HEMK2: variants seen among roughly 807,000 people sequenced by gnomAD.
HEMK2 encodes the protein methyltransferase HEMK2.
At chr21:28,625,440 AT>A in the HEMK2 span, among the ~76,000 whole-genome samples, 1 of 152,126 alleles carries the variant, frequency 6.6e-6, no homozygotes, top group African/African-American at 2.4e-5. Context: ...GTTCAAAGAG[AT>A]TATTTTTGGT....
the HEMK2 span, among the ~76,000 whole-genome samples, chr21:28,715,050 A>C: frequency 6.6e-6 from 1 of 152,206 alleles, no homozygotes; most frequent in South Asian, 2.1e-4. Flanking sequence ...ACTGAAGGGC[A>C]CCTAGGTTGA....
At chr21:28,633,575 C>T in the HEMK2 span, among the ~76,000 whole-genome samples, 2 of 152,000 alleles carry the variant, frequency 1.3e-5, no homozygotes, top group African/African-American at 4.8e-5. Flanking sequence ...TTTTAAATGC[C>T]AAGTATTTTT....
the HEMK2 span, among the ~76,000 whole-genome samples, chr21:28,788,981 C>T: frequency 2.6e-5 from 4 of 152,074 alleles, no homozygotes; most frequent in African/African-American, 4.8e-5. Context: ...ATTGCTGGGG[C>T]TACAGAAACA....
chr21:28,791,684 T>C, the HEMK2 span, among the ~76,000 whole-genome samples: 1 of 152,084 alleles, frequency 6.6e-6, no homozygotes, highest in Non-Finnish European at 1.5e-5. Context: ...TGCTACTGGA[T>C]TTATTTGTGC....
the HEMK2 span, among the ~76,000 whole-genome samples, chr21:28,862,076 G>C: frequency 5.3e-5 from 8 of 152,248 alleles, no homozygotes; most frequent in East Asian, 1.5e-3. Flanking sequence ...TGGGGTTACT[G>C]ACCTGGACTT....
At chr21:28,616,145 T>C in the HEMK2 span, among the ~76,000 whole-genome samples, 1 of 152,216 alleles carries the variant, frequency 6.6e-6, no homozygotes, top group Non-Finnish European at 1.5e-5. Context: ...GCAGATCAAA[T>C]TGTCTAGACA....
chr21:28,675,711 C>T, the HEMK2 span, among the ~76,000 whole-genome samples: 1 of 152,184 alleles, frequency 6.6e-6, no homozygotes, highest in Non-Finnish European at 1.5e-5. Flanking sequence ...GGGCCCAGTC[C>T]ATCTTTGGGG....
the HEMK2 span, among the ~76,000 whole-genome samples, chr21:28,796,771 T>C: frequency 6.6e-6 from 1 of 151,988 alleles, no homozygotes; most frequent in Non-Finnish European, 1.5e-5. Flanking sequence ...AGTCTCCCTA[T>C]GTTTCCCAGG....
At chr21:28,863,418 A>T in the HEMK2 span, among the ~76,000 whole-genome samples, 6 of 8,626 alleles carry the variant, frequency 7.0e-4, 1 homozygote, top group Non-Finnish European at 2.2e-3. Context: ...TTTTATATAT[A>T]TATATATATA....
the HEMK2 span, among the ~76,000 whole-genome samples, chr21:28,664,695 C>T: frequency 6.6e-6 from 1 of 152,086 alleles, no homozygotes; most frequent in Admixed American, 6.6e-5. Context: ...TCTATGTGCA[C>T]TACATTTGAA....
At chr21:28,833,886 G>A in the HEMK2 span, among the ~76,000 whole-genome samples, 1 of 152,202 alleles carries the variant, frequency 6.6e-6, no homozygotes. Flanking sequence ...CAGCAGGGCT[G>A]AATTGTTCAA....
At chr21:28,663,209 A>C in the HEMK2 span, among the ~76,000 whole-genome samples, 2 of 152,240 alleles carry the variant, frequency 1.3e-5, no homozygotes, top group African/African-American at 4.8e-5. Context: ...GAAATGAGAA[A>C]GTGCAATGAT....
chr21:28,687,765 A>G, the HEMK2 span, among the ~76,000 whole-genome samples: 1 of 152,242 alleles, frequency 6.6e-6, no homozygotes, highest in East Asian at 1.9e-4. Context: ...ACTAAGATAC[A>G]GGTAATGTAC....
the HEMK2 span, among the ~76,000 whole-genome samples, chr21:28,789,681 G>A: frequency 3.3e-5 from 5 of 152,164 alleles, no homozygotes; most frequent in Non-Finnish European, 7.3e-5. Context: ...GATTATACGA[G>A]TAATTGGAGA....
chr21:28,628,295 T>A, the HEMK2 span, among the ~76,000 whole-genome samples: 1 of 152,156 alleles, frequency 6.6e-6, no homozygotes, highest in African/African-American at 2.4e-5. Context: ...ATCAAAAATA[T>A]GGTGTTTTTA....
the HEMK2 span, among the ~76,000 whole-genome samples, chr21:28,614,899 G>A: frequency 6.6e-6 from 1 of 152,088 alleles, no homozygotes; most frequent in Non-Finnish European, 1.5e-5. Flanking sequence ...TTTCAATCTT[G>A]TAAGCATTGC....
chr21:28,679,292 A>G, the HEMK2 span, among the ~76,000 whole-genome samples: 1 of 152,226 alleles, frequency 6.6e-6, no homozygotes, highest in Non-Finnish European at 1.5e-5. Flanking sequence ...CAAAAGAGAC[A>G]AAGAAGGCCA....
the HEMK2 span, among the ~76,000 whole-genome samples, chr21:28,611,138 C>T: frequency 6.6e-6 from 1 of 152,122 alleles, no homozygotes; most frequent in South Asian, 2.1e-4. Context: ...CAAGATAGAC[C>T]ATATGATAGG....
the HEMK2 span, among the ~76,000 whole-genome samples, chr21:28,855,813 C>G: frequency 6.6e-6 from 1 of 152,104 alleles, no homozygotes; most frequent in African/African-American, 2.4e-5. Flanking sequence ...TTCTTTGAAA[C>G]TAATGAGAAC....
Sources: gnomAD v4.1 joint callset for allele counts (sites outside exome capture counted in the v4.1 genomes callset) on GRCh38, gnomAD v4.1.1 for gene constraint, MANE v1.5 for transcripts, NCBI Gene and HGNC (gene_info 2026-07-23, HGNC 2026-07-21) for gene names.